NFE2L2: variants seen among roughly 807,000 people sequenced by gnomAD.
NFE2L2 encodes nuclear factor erythroid 2-related factor 2.
A neutral mutation model predicts 49.6 loss-of-function variants in NFE2L2; 20 were observed. The observed-to-expected ratio is 0.40, with a 90% CI of 0.28 to 0.59. NFE2L2 has a LOEUF of 0.59. Among genes scored for constraint, NFE2L2 ranks in the 20% least tolerant of loss-of-function variants. The pLI is 0.40. For missense variants in NFE2L2, 578 were observed against 714.2 expected (o/e 0.81, Z 2.17); for synonymous variants, 244 against 256.5 (o/e 0.95, Z 0.47).
intron 1 of NFE2L2, among the ~76,000 whole-genome samples, chr2:177,261,840 C>G (rs1048798836): frequency 6.6e-6 from 1 of 151,988 alleles, no homozygotes. Flanking sequence ...GACACAAAAC[C>G]CCCTTTAAAT....
At chr2:177,253,424 C>T (rs1806649) in intron 1 of NFE2L2, among the ~76,000 whole-genome samples, 26,192 of 152,194 alleles carry the variant, frequency 0.17, 2,861 homozygotes, top group Non-Finnish European at 0.25. Flanking sequence ...ATATCCTAAG[C>T]AGAGGAGACA....
chr2:177,250,266 A>T (rs1381597378), intron 1 of NFE2L2, among the ~76,000 whole-genome samples: 4 of 152,220 alleles, frequency 2.6e-5, no homozygotes, highest in African/African-American at 7.2e-5. Context: ...AGGTGCTGGG[A>T]GGGTACTACC....
intron 1 of NFE2L2, among the ~76,000 whole-genome samples, chr2:177,246,154 C>T (rs145026902): frequency 6.6e-6 from 1 of 152,216 alleles, no homozygotes; most frequent in African/African-American, 2.4e-5. Context: ...TCTGGACACT[C>T]AGACTTGCCT....
intron 4 of NFE2L2, 154 bp downstream of exon 4, chr2:177,232,238 T>C: frequency 1.1e-6 from 1 of 921,418 alleles, no homozygotes; most frequent in Non-Finnish European, 1.6e-6. Context: ...ATCCTCAAGA[T>C]GTCCAACCAA....
intron 2 of NFE2L2, 109 bp downstream of exon 2, chr2:177,233,896 G>GT (rs1689649081): frequency 7.0e-7 from 1 of 1,430,396 alleles, no homozygotes; most frequent in Non-Finnish European, 9.4e-7. Context: ...ATTTGACAAG[G>GT]TTAAGTAAAA....
Position 177,233,330 on chromosome 2 carries a change from T to C in NFE2L2, c.322A>G (p.Ile108Val), listed in dbSNP as rs1245827358. The C allele has an allele frequency of 5.6e-6, 9 of 1,609,172 alleles. No homozygotes were observed. In the Admixed American group the frequency reaches 1.5e-4, roughly 27 times the overall value. ...GSANYSQVAH[I>V]PKSDALYFDD... The stretch of plus-strand genomic sequence containing the variant: ...AAGTACAAAGCATCTGATTTGGGAA[T>C]GTGGGCAACCTGATAAAAGGGAATG... Residue 108 changes from isoleucine to valine, a missense_variant, in exon 3 of 5, where the codon ATT becomes GTT. Ile to Val is a conservative substitution (Grantham distance 29). Around this residue, in one of 3 missense-constraint regions of NFE2L2, gnomAD observed 93 missense variants for 153.9 expected, o/e 0.60. Coordinates refer to ENST00000397062, the MANE Select transcript of NFE2L2 (RefSeq NM_006164.5).
At chr2:177,258,005 A>G (rs1690590284) in intron 1 of NFE2L2, among the ~76,000 whole-genome samples, 1 of 152,226 alleles carries the variant, frequency 6.6e-6, no homozygotes, top group Admixed American at 6.5e-5. Context: ...GCTCGTTAGA[A>G]TCCCCTCAGA....
intron 1 of NFE2L2, among the ~76,000 whole-genome samples, chr2:177,241,092 AAATT>A (rs1229036539): frequency 6.6e-6 from 1 of 152,242 alleles, no homozygotes; most frequent in Non-Finnish European, 1.5e-5. Context: ...CTGTTAAAAA[AAATT>A]AATTATACAC....
At chr2:177,263,001 C>T (rs1467650176) in intron 1 of NFE2L2, among the ~76,000 whole-genome samples, 2 of 152,206 alleles carry the variant, frequency 1.3e-5, no homozygotes, top group Non-Finnish European at 1.5e-5. Flanking sequence ...TAAAACTTTA[C>T]AATAGATCTT....
chr2:177,247,864 C>A (rs111510170), intron 1 of NFE2L2, among the ~76,000 whole-genome samples: 4 of 152,182 alleles, frequency 2.6e-5, no homozygotes, highest in African/African-American at 9.6e-5. Flanking sequence ...GGCTGGGGTA[C>A]CCGCAGATAA....
chr2:177,264,274 C>G (rs4319966), intron 1 of NFE2L2: 3 of 430,398 alleles, frequency 7.0e-6, no homozygotes, highest in African/African-American at 2.1e-5. Context: ...CGCGAGCGGG[C>G]TCAGTCCCCA....
At chr2:177,250,743 G>A (rs1019089765) in intron 1 of NFE2L2, among the ~76,000 whole-genome samples, 1 of 152,232 alleles carries the variant, frequency 6.6e-6, no homozygotes, top group African/African-American at 2.4e-5. Flanking sequence ...TCCTCAGGGA[G>A]GCTGCACAGT....
chr2:177,253,148 T>C (rs1312318702), intron 1 of NFE2L2, among the ~76,000 whole-genome samples: 1 of 152,196 alleles, frequency 6.6e-6, no homozygotes, highest in Non-Finnish European at 1.5e-5. Flanking sequence ...AAACAAAATC[T>C]ACCTGCTTAA....
chr2:177,233,050 G>GT (rs1258379244), intron 3 of NFE2L2, 200 bp downstream of exon 3: 25,739 of 392,502 alleles, frequency 0.066, no homozygotes, highest in Middle Eastern at 0.085. Flanking sequence ...TGTGTGAAGG[G>GT]TTTTTTTTTT....
At chr2:177,236,056 G>T (rs1263510950) in intron 1 of NFE2L2, among the ~76,000 whole-genome samples, 1 of 152,278 alleles carries the variant, frequency 6.6e-6, no homozygotes, top group East Asian at 1.9e-4. Flanking sequence ...GGGAACGGGA[G>T]TTGGGACTTG....
At chr2:177,240,837 G>A (rs1376172617) in intron 1 of NFE2L2, among the ~76,000 whole-genome samples, 1 of 152,158 alleles carries the variant, frequency 6.6e-6, no homozygotes, top group Non-Finnish European at 1.5e-5. Context: ...ATGCTTAGAT[G>A]ATCCAAAATA....
chr2:177,236,450 T>G (rs923772847), intron 1 of NFE2L2, among the ~76,000 whole-genome samples: 1 of 152,242 alleles, frequency 6.6e-6, no homozygotes, highest in Non-Finnish European at 1.5e-5. Flanking sequence ...CTAATTATCT[T>G]TAAGCCAGTA....
At chr2:177,242,230 T>G (rs2105470086) in intron 1 of NFE2L2, among the ~76,000 whole-genome samples, 1 of 152,332 alleles carries the variant, frequency 6.6e-6, no homozygotes, top group Middle Eastern at 3.4e-3. Context: ...CCTTACAGCC[T>G]ATCGAGGCCA....
chr2:177,238,895 TTGA>T (rs1331770582), intron 1 of NFE2L2, among the ~76,000 whole-genome samples: 1 of 152,244 alleles, frequency 6.6e-6, no homozygotes, highest in Non-Finnish European at 1.5e-5. Context: ...GATATTGCTC[TTGA>T]TGGTGGTTTT....
Sources: gnomAD v4.1 joint callset for allele counts (sites outside exome capture counted in the v4.1 genomes callset) on GRCh38, gnomAD v4.1.1 for gene constraint, gnomAD v4.1.1 regional missense constraint, MANE v1.5 for transcripts, NCBI Gene and HGNC (gene_info 2026-07-23, HGNC 2026-07-21) for gene names.